Variants in RASGRF2 observed in about 807,000 individuals in gnomAD.
RASGRF2 encodes Ras protein specific guanine nucleotide releasing factor 2, also known as ras-specific guanine nucleotide-releasing factor 2.
RASGRF2 carries 76 observed loss-of-function variants against 151.0 expected under a neutral mutation model. That is an observed-to-expected ratio of 0.50 (90% confidence interval 0.42 to 0.61). RASGRF2 has a LOEUF of 0.61. Ranked by LOEUF, RASGRF2 falls within the 20% of genes least tolerant of loss-of-function variation. The pLI is 0.00. For synonymous variants in RASGRF2, 504 were observed against 566.5 expected, an observed-to-expected ratio of 0.89 and a Z score of 1.57; for missense variants, 1,148 against 1,564.6, an observed-to-expected ratio of 0.73 and a Z score of 4.49.
At position 81,044,861 on chromosome 5, in the gene RASGRF2, C is replaced by T. The variant is rs1272978475; in HGVS notation, c.395+1878C>T. On this transcript the variant is annotated intron_variant, in intron 2 of 26. Transcript: ENST00000265080. ...TGTTCTATTTTTTTTTTCTTTTCCT[C>T]ATTCAAAGACGAAAGTAGATTAATG... Among the ~76,000 whole-genome samples the T allele has an allele frequency of 7.9e-5, 12 of 151,624 alleles. 1 individual carries two copies. Among genetic ancestry groups the T allele is most frequent in the African/African-American group, 2.9e-4 (12 of 41,286 alleles).
At chr5:81,053,726 G>C (rs1472259413) in intron 2 of RASGRF2, among the ~76,000 whole-genome samples, 1 of 152,156 alleles carries the variant, frequency 6.6e-6, no homozygotes, top group African/African-American at 2.4e-5. Flanking sequence ...GGTTGAACTA[G>C]TTTACAGTCC....
At chr5:81,130,289 T>C (rs756670051) in intron 17 of RASGRF2, among the ~76,000 whole-genome samples, 2 of 152,212 alleles carry the variant, frequency 1.3e-5, no homozygotes, top group Non-Finnish European at 1.5e-5. Context: ...TTGCCTATCA[T>C]GCAGTCTGAA....
intron 17 of RASGRF2, among the ~76,000 whole-genome samples, chr5:81,159,410 A>C (rs1754331794): frequency 6.6e-6 from 1 of 152,262 alleles, no homozygotes; most frequent in South Asian, 2.1e-4. Context: ...AAAAACAGGC[A>C]GCAGGTAGTT....
intron 1 of RASGRF2, among the ~76,000 whole-genome samples, chr5:81,010,631 G>T (rs974099573): frequency 1.3e-5 from 2 of 152,166 alleles, no homozygotes; most frequent in Non-Finnish European, 2.9e-5. Context: ...CTGATTTTGG[G>T]TGATTTGAGA....
intron 2 of RASGRF2, among the ~76,000 whole-genome samples, chr5:81,044,337 A>G (rs2112397910): frequency 6.6e-6 from 1 of 152,182 alleles, no homozygotes; most frequent in South Asian, 2.1e-4. Context: ...AGAATTGCTC[A>G]GACCTGGGAG....
At chr5:81,081,021 A>G (rs113940393) in intron 7 of RASGRF2, among the ~76,000 whole-genome samples, 1 of 152,216 alleles carries the variant, frequency 6.6e-6, no homozygotes, top group African/African-American at 2.4e-5. Context: ...GAATTCAAGA[A>G]TGATTTTTTG....
rs370270974 is a variant in RASGRF2, at chr5:80,988,558, T to G, written c.288+27532T>G. Among the ~76,000 whole-genome samples, 5 of 152,212 alleles carry G rather than the reference T, an allele frequency of 3.3e-5. No individual in the cohort carries two copies. In the East Asian group the frequency reaches 9.6e-4, roughly 29 times the overall value. On this transcript the variant is annotated intron_variant, in intron 1 of 26. Transcript: ENST00000265080. Reference sequence around the variant, plus strand: ...GGTGGATACTTTCTGCACTTCTCTGTCAATTGCTACTTAATAGCAATTGAG... The same window carrying G: ...GGTGGATACTTTCTGCACTTCTCTGGCAATTGCTACTTAATAGCAATTGAG...
At chr5:81,135,729 G>A (rs189635755) in intron 17 of RASGRF2, among the ~76,000 whole-genome samples, 1 of 152,330 alleles carries the variant, frequency 6.6e-6, no homozygotes, top group Non-Finnish European at 1.5e-5. Flanking sequence ...TGTGAATGAT[G>A]CTGCTATCAA....
At chr5:81,115,860 A>G (rs1024266784) in intron 15 of RASGRF2, among the ~76,000 whole-genome samples, 1 of 152,162 alleles carries the variant, frequency 6.6e-6, no homozygotes. Flanking sequence ...CAACATAACT[A>G]TATGGGCAAG....
intron 1 of RASGRF2, among the ~76,000 whole-genome samples, chr5:80,996,518 TCCCCC>T (rs1561544840): frequency 0.055 from 1,541 of 27,982 alleles, 195 homozygotes; most frequent in Middle Eastern, 0.071. Flanking sequence ...CTCCTCCTCC[TCCCCC>T]TCCTCCTCCT....
At chr5:81,051,369 G>C (rs547145) in intron 2 of RASGRF2, among the ~76,000 whole-genome samples, 2 of 151,972 alleles carry the variant, frequency 1.3e-5, no homozygotes, top group South Asian at 4.1e-4. Flanking sequence ...TCATTTTAAA[G>C]TGTATAATTC....
At chr5:81,053,857 T>A (rs1275861116) in intron 2 of RASGRF2, among the ~76,000 whole-genome samples, 25 of 152,252 alleles carry the variant, frequency 1.6e-4, no homozygotes, top group African/African-American at 6.0e-4. Flanking sequence ...GGTTTTGATT[T>A]GCATTTCTCT....
At chr5:81,024,757 C>T (rs1415716892) in intron 1 of RASGRF2, among the ~76,000 whole-genome samples, 2 of 152,152 alleles carry the variant, frequency 1.3e-5, no homozygotes, top group Admixed American at 1.3e-4. Context: ...TTGGGCAGGC[C>T]CAGTGTATTT....
chr5:81,074,081 A>G (rs1388688300), intron 5 of RASGRF2, among the ~76,000 whole-genome samples: 3 of 152,328 alleles, frequency 2.0e-5, no homozygotes, highest in East Asian at 3.9e-4. Flanking sequence ...TTACATGTTA[A>G]TTATACACAA....
At chr5:80,965,519 G>A (rs1346406508) in intron 1 of RASGRF2, among the ~76,000 whole-genome samples, 3 of 152,062 alleles carry the variant, frequency 2.0e-5, no homozygotes, top group Non-Finnish European at 4.4e-5. Flanking sequence ...AGATTGTTGT[G>A]TAAGAATTCA....
chr5:81,189,711 C>CTTTTTT (rs369630375), intron 18 of RASGRF2, among the ~76,000 whole-genome samples: 1 of 120,860 alleles, frequency 8.3e-6, no homozygotes, highest in Non-Finnish European at 1.7e-5. Flanking sequence ...GGCCTATATA[C>CTTTTTT]TTTTTTTTTT....
chr5:80,978,082 T>C (rs1239869930), intron 1 of RASGRF2, among the ~76,000 whole-genome samples: 2 of 152,198 alleles, frequency 1.3e-5, no homozygotes, highest in Non-Finnish European at 2.9e-5. Flanking sequence ...TTCTGGTACG[T>C]AAATCCTTCT....
chr5:81,207,023 TGAA>T, intron 20 of RASGRF2, 118 bp downstream of exon 20: 1 of 920,768 alleles, frequency 1.1e-6, no homozygotes, highest in Non-Finnish European at 1.7e-6. Flanking sequence ...GTCCTATCTG[TGAA>T]GCTCTGTGAG....
intron 12 of RASGRF2, among the ~76,000 whole-genome samples, chr5:81,095,244 G>A (rs905551818): frequency 6.6e-6 from 1 of 152,118 alleles, no homozygotes; most frequent in Admixed American, 6.5e-5. Flanking sequence ...TACACCAGCA[G>A]CAAATGTAAT....
Sources: allele counts gnomAD v4.1 joint callset (sites outside exome capture counted in the v4.1 genomes callset), GRCh38; gene constraint gnomAD v4.1.1; transcripts MANE v1.5; gene names NCBI Gene and HGNC (gene_info 2026-07-23, HGNC 2026-07-21).